The following NAP1L1 variants were observed in gnomAD, a reference collection of about 807,000 sequenced individuals.
NAP1L1 encodes the protein nucleosome assembly protein 1-like 1.
NAP1L1 carries 9 observed loss-of-function variants against 58.9 expected under a neutral mutation model. The ratio of observed to expected loss-of-function variants is 0.15; its 90% CI spans 0.09 to 0.27. The LOEUF (loss-of-function observed/expected upper bound fraction) is 0.27, where lower values mean the gene tolerates loss of function less well. NAP1L1 is among the 10% of genes least tolerant of loss of function. NAP1L1 has a pLI of 1.00. For missense variants in NAP1L1, 302 were observed against 458.8 expected (o/e 0.66, Z 3.12); for synonymous variants, 130 against 138.3 (o/e 0.94, Z 0.42).
chr12:76,068,022 A>G (rs991022296), intron 3 of NAP1L1, among the ~76,000 whole-genome samples: 3 of 152,238 alleles, frequency 2.0e-5, no homozygotes, highest in Non-Finnish European at 4.4e-5. Flanking sequence ...GTGGTTTTCA[A>G]TGGCTTTTTA....
At chr12:76,059,538 T>A (rs1381623609) in intron 6 of NAP1L1, 3 of 362,390 alleles carry the variant, frequency 8.3e-6, no homozygotes, top group African/African-American at 4.3e-5. Flanking sequence ...ATAAGACTTG[T>A]GGTGTTTTAA....
At chr12:76,069,588 G>A (rs1029110187) in intron 2 of NAP1L1, among the ~76,000 whole-genome samples, 13 of 152,160 alleles carry the variant, frequency 8.5e-5, no homozygotes, top group Admixed American at 5.9e-4. Flanking sequence ...AAAGCCACCA[G>A]CTAAAGAAAA....
chr12:76,069,642 G>A (rs533073952), intron 2 of NAP1L1, among the ~76,000 whole-genome samples: 1 of 152,292 alleles, frequency 6.6e-6, no homozygotes, highest in East Asian at 1.9e-4. Flanking sequence ...TTATGGCTGT[G>A]GAGCAACAAT....
At chr12:76,061,242 A>G in intron 4 of NAP1L1, among the ~76,000 whole-genome samples, 1 of 152,216 alleles carries the variant, frequency 6.6e-6, no homozygotes, top group African/African-American at 2.4e-5. Context: ...TATTAAGCCC[A>G]GTACCCAATA....
rs1167267659 is a variant in NAP1L1 at position 76,041,933 on chromosome 12, A to T, written c.*6496T>A. ...ACCTCATTTCGTTTTACCCTAGATC[A>T]TTTCTGGGTTCTGCCAAAGGCCAAA... is the stretch of plus-strand genomic sequence containing the variant. On this transcript the variant is annotated 3_prime_UTR_variant, in exon 15 of 15. Transcript: ENST00000618691. 6.6e-6 allele frequency: 1 copy of T among 152,200 alleles called. No individual in the cohort carries two copies. The highest frequency in any genetic ancestry group is 1.5e-5 in the Non-Finnish European group (1 of 68,032). The allele number at this position is 152,200 out of a possible 1,614,324, so 9.4% of individuals were successfully genotyped here.
Position 76,042,921 on chromosome 12 carries a change from A to ATT in NAP1L1, c.*5506_*5507dup, listed in dbSNP as rs1038714056. On this transcript the variant is annotated 3_prime_UTR_variant, in exon 15 of 15. Transcript: ENST00000618691. ...AGAATATACCGGAATTCTTTCAACT[A>ATT]TTTTCAGAGTTGAAGGAAAGCTGTA... The ATT allele has an allele frequency of 1.3e-5, 2 of 152,208 alleles. No homozygotes were observed. The highest frequency in any genetic ancestry group is 2.9e-5 in the Non-Finnish European group (2 of 68,040). 9.4% of individuals were successfully genotyped at this position (152,208 alleles called of 1,614,324 possible). A position where few individuals can be genotyped will look rare whatever the true frequency, so the allele number is the denominator to read the frequency against.
chr12:76,074,055 GA>G (rs1950082534), intron 2 of NAP1L1, 147 bp downstream of exon 2: 2 of 665,200 alleles, frequency 3.0e-6, no homozygotes, highest in Admixed American at 2.6e-5. Context: ...ATTTTACCTT[GA>G]ATACACTGCA....
chr12:76,045,778 AAAC>A lies in NAP1L1; in HGVS notation c.*2648_*2650del, dbSNP rs1474721174. On this transcript the variant is annotated 3_prime_UTR_variant, in exon 15 of 15. Transcript: ENST00000618691. ...TACCCTACTTGAGTGACCATAAAGC[AAAC>A]AACTCTAAAATTTTTTCATATCAGT... is the stretch of plus-strand genomic sequence containing the variant. The A allele has an allele frequency of 6.6e-6, 1 of 152,092 alleles. No individual in the cohort carries two copies. The highest frequency in any genetic ancestry group is 2.4e-5 in the African/African-American group (1 of 41,458). 9.4% of individuals were successfully genotyped at this position (152,092 alleles called of 1,614,324 possible).
intron 1 of NAP1L1, among the ~76,000 whole-genome samples, chr12:76,075,430 CAA>C (rs1193244705): frequency 6.6e-6 from 1 of 152,142 alleles, no homozygotes; most frequent in Non-Finnish European, 1.5e-5. Context: ...TGCCTATGAA[CAA>C]AGAGTTAAAA....
intron 1 of NAP1L1, among the ~76,000 whole-genome samples, chr12:76,076,329 A>C (rs1270513253): frequency 6.6e-6 from 1 of 152,092 alleles, no homozygotes; most frequent in East Asian, 1.9e-4. Flanking sequence ...TGTCTCTCCC[A>C]ACTGACAAAA....
At chr12:76,080,267 G>A (rs1359950895) in intron 1 of NAP1L1, among the ~76,000 whole-genome samples, 1 of 152,096 alleles carries the variant, frequency 6.6e-6, no homozygotes, top group Non-Finnish European at 1.5e-5. Flanking sequence ...CAAACCTACT[G>A]CAGAGTCATA....
At chr12:76,056,256 T>C (rs1949079865) in intron 6 of NAP1L1, 95 bp from the exon 7 acceptor site, 1 of 1,256,042 alleles carries the variant, frequency 8.0e-7, no homozygotes, top group East Asian at 2.4e-5. Flanking sequence ...AGTCACCAGA[T>C]ATTACCTTCA....
In NAP1L1 at chr12:76,048,312, TAA is replaced by T; in HGVS notation, c.*115_*116del. 1.7e-6 allele frequency: 2 copies of T among 1,145,830 alleles called. No homozygotes were observed. The highest frequency in any genetic ancestry group is 1.5e-5 in the South Asian group (1 of 67,818). The allele number at this position is 1,145,830 out of a possible 1,614,324, so 71.0% of individuals were successfully genotyped here. A position where few individuals can be genotyped will look rare whatever the true frequency, so the allele number is the denominator to read the frequency against. Reference sequence around the variant, plus strand: ...TTTAAAATATCAGTTTCCTGTCCTTTAAAAAAAAATTACCTAGTCTACCAAGA... The same window carrying T: ...TTTAAAATATCAGTTTCCTGTCCTTTAAAAAAATTACCTAGTCTACCAAGA... On this transcript the variant is annotated 3_prime_UTR_variant, in exon 15 of 15. Coordinates refer to ENST00000618691, the MANE Select transcript of NAP1L1 (RefSeq NM_004537.7).
intron 1 of NAP1L1, among the ~76,000 whole-genome samples, chr12:76,074,868 C>CTCA (rs1950111918): frequency 1.3e-5 from 2 of 152,016 alleles, no homozygotes; most frequent in South Asian, 4.2e-4. Context: ...GTACATGTAC[C>CTCA]TCATGTTAGA....
At chr12:76,062,041 T>C (rs1949440349) in intron 4 of NAP1L1, among the ~76,000 whole-genome samples, 1 of 152,194 alleles carries the variant, frequency 6.6e-6, no homozygotes. Flanking sequence ...CCACAGCAGG[T>C]AGCAGTGCGG....
At chr12:76,063,596 G>A (rs1419319122) in intron 4 of NAP1L1, among the ~76,000 whole-genome samples, 1 of 152,144 alleles carries the variant, frequency 6.6e-6, no homozygotes, top group Admixed American at 6.5e-5. Context: ...TCGGGAGTTC[G>A]AGACTAGCCC....
At position 76,059,878 on chromosome 12, in the gene NAP1L1, G is replaced by A; in HGVS notation, c.349C>T (p.Arg117Ter). 1.3e-6 allele frequency: 2 copies of A among 1,566,590 alleles called. No individual in the cohort carries two copies. Among genetic ancestry groups the A allele is most frequent in the Admixed American group, 2.0e-5 (1 of 49,768 alleles). ...TAAATTGCATTAATAATTTCAAATCGCTAAAATGATTTAAAAAAAAAAGGC... is the reference window on the plus strand; with the variant it reads ...TAAATTGCATTAATAATTTCAAATCACTAAAATGATTTAAAAAAAAAAGGC... ...AVLYQPLFDK[R>*]FEIINAIYEP... The change falls in exon 6 of 15, where the codon CGA becomes TGA. Residue 117 changes from arginine to a stop codon, truncating the protein, a stop_gained and splice_region_variant. Transcript: ENST00000618691. LOFTEE classifies it high-confidence loss of function.
At chr12:76,071,238 A>G (rs998400299) in intron 2 of NAP1L1, among the ~76,000 whole-genome samples, 1 of 152,126 alleles carries the variant, frequency 6.6e-6, no homozygotes, top group Non-Finnish European at 1.5e-5. Flanking sequence ...TTTACAGAGA[A>G]AGGTTTACTG....
chr12:76,077,759 G>A (rs1950237133), intron 1 of NAP1L1, among the ~76,000 whole-genome samples: 1 of 151,900 alleles, frequency 6.6e-6, no homozygotes, highest in Non-Finnish European at 1.5e-5. Context: ...CAAGGCAGGC[G>A]AATTGCCTGA....
Sources: gnomAD v4.1 joint callset for allele counts (sites outside exome capture counted in the v4.1 genomes callset) on GRCh38, gnomAD v4.1.1 for gene constraint, MANE v1.5 for transcripts, NCBI Gene and HGNC (gene_info 2026-07-23, HGNC 2026-07-21) for gene names.